The following VPS13C variants were observed in gnomAD, a reference collection of about 807,000 sequenced individuals.
VPS13C encodes the protein intermembrane lipid transfer protein VPS13C.
Under a neutral mutation model 456.8 loss-of-function variants are expected in VPS13C, and 358 were observed. The ratio of observed to expected loss-of-function variants is 0.78; its 90% confidence interval spans 0.72 to 0.86. The LOEUF (loss-of-function observed/expected upper bound fraction) is 0.86, where lower values mean the gene tolerates loss of function less well. VPS13C is among the 40% of genes least tolerant of loss of function. The pLI, the probability that VPS13C is intolerant of heterozygous loss-of-function variation, is 0.00. For missense variants in VPS13C, 4,818 were observed against 4,385.4 expected (o/e 1.10, Z -2.79); for synonymous variants, 1,578 against 1,486.7 (o/e 1.06, Z -1.41).
intron 45 of VPS13C, among the ~76,000 whole-genome samples, chr15:61,943,003 A>G (rs1339621617): frequency 2.0e-5 from 3 of 152,116 alleles, no homozygotes; most frequent in African/African-American, 7.2e-5. Flanking sequence ...AATGAAGAAC[A>G]CAATCCTGTT....
intron 66 of VPS13C, among the ~76,000 whole-genome samples, chr15:61,903,179 CAA>C (rs1450190843): frequency 6.6e-6 from 1 of 151,340 alleles, no homozygotes; most frequent in Non-Finnish European, 1.5e-5. Context: ...AAAACAAAAA[CAA>C]AAACAAAAAC....
chr15:61,997,870 A>C (rs2046443945), intron 16 of VPS13C, among the ~76,000 whole-genome samples: 2 of 152,150 alleles, frequency 1.3e-5, no homozygotes, highest in African/African-American at 4.8e-5. Flanking sequence ...TCTGCTTTCA[A>C]AGTAGCCAGG....
chr15:61,949,910 A>G (rs757509676), intron 41 of VPS13C, among the ~76,000 whole-genome samples: 6 of 152,188 alleles, frequency 3.9e-5, no homozygotes, highest in Non-Finnish European at 5.9e-5. Context: ...CAAGCTGATT[A>G]TGCATGTTCA....
At chr15:61,950,476 A>ATTTT in intron 40 of VPS13C, 59 bp from the exon 41 acceptor site, 1 of 1,257,516 alleles carries the variant, frequency 8.0e-7, no homozygotes, top group Non-Finnish European at 1.2e-6. Context: ...CATACACTGA[A>ATTTT]AATATACATA....
intron 68 of VPS13C, among the ~76,000 whole-genome samples, chr15:61,883,797 T>C (rs1896057547): frequency 6.6e-6 from 1 of 152,142 alleles, no homozygotes; most frequent in Admixed American, 6.6e-5. Flanking sequence ...AATGAGGCAT[T>C]CTTAACTTCT....
chr15:61,907,325 G>C lies in VPS13C; in HGVS notation c.9044C>G (p.Thr3015Ser). ...TGTCCATGTAAGTTTTCTGGTACCAGTAGGATCTGCCCAGGCAAAAAGTCG... is the reference window on the plus strand; with the variant it reads ...TGTCCATGTAAGTTTTCTGGTACCACTAGGATCTGCCCAGGCAAAAAGTCG... ...QARLFAWADP[T>S]GTRKLTWTYA... Residue 3015 changes from threonine (T) to serine (S), a missense_variant, in exon 66 of 85, where the codon ACT (threonine) becomes AGT (serine). By Grantham distance (58) the Thr-to-Ser change is moderately conservative. Coordinates refer to ENST00000644861, the MANE Select transcript of VPS13C (RefSeq NM_020821.3). 2 of 1,614,006 alleles carry C rather than the reference G, an allele frequency of 1.2e-6. No individual in the cohort carries two copies. Among genetic ancestry groups the C allele is most frequent in the Non-Finnish European group, 1.7e-6 (2 of 1,179,894 alleles).
intron 1 of VPS13C, among the ~76,000 whole-genome samples, chr15:62,045,718 A>T (rs549542558): frequency 6.6e-6 from 1 of 152,260 alleles, no homozygotes; most frequent in South Asian, 2.1e-4. Context: ...CAAACAATTT[A>T]GCTACAAGGA....
chr15:62,003,469 G>A (rs1271658432), intron 15 of VPS13C, among the ~76,000 whole-genome samples: 2 of 151,994 alleles, frequency 1.3e-5, no homozygotes, highest in East Asian at 3.9e-4. Flanking sequence ...CTGCAAACAG[G>A]GACAATTTGA....
chr15:61,989,880 T>C (rs2046170806), intron 18 of VPS13C, among the ~76,000 whole-genome samples: 1 of 152,182 alleles, frequency 6.6e-6, no homozygotes, highest in Non-Finnish European at 1.5e-5. Context: ...AATATGCTCA[T>C]ATCCTATGAC....
intron 66 of VPS13C, among the ~76,000 whole-genome samples, chr15:61,906,174 CCT>C (rs1395681045): frequency 1.3e-5 from 2 of 152,104 alleles, no homozygotes; most frequent in Non-Finnish European, 2.9e-5. Context: ...TTTGAACTCC[CCT>C]GTCATGTCCA....
At chr15:61,881,038 CCA>C (rs1895810810) in intron 71 of VPS13C, 84 bp from the exon 72 acceptor site, 1 of 1,115,102 alleles carries the variant, frequency 9.0e-7, no homozygotes, top group East Asian at 2.6e-5. Context: ...CAGTGAAAAG[CCA>C]CAGTTATATC....
rs2044638554 is a variant in VPS13C, at chr15:61,947,297, ATGT to A, written c.4769_4771del (p.Asn1590del). 6.2e-7 allele frequency: 1 copy of A among 1,606,912 alleles called. No homozygotes were observed. Among genetic ancestry groups the A allele is most frequent in the African/African-American group, 1.3e-5 (1 of 74,692 alleles). On this transcript the variant is annotated inframe_deletion, in exon 43 of 85. Coordinates refer to ENST00000644861, the MANE Select transcript of VPS13C (RefSeq NM_020821.3). ...TAAATCAAACACATCCTTTTGGGAA[ATGT>A]TGCTGGATACTAAAAAATAATAGAA...
At chr15:61,909,219 GT>G in intron 64 of VPS13C, 94 bp from the exon 65 acceptor site, 1 of 1,496,320 alleles carries the variant, frequency 6.7e-7, no homozygotes, top group Non-Finnish European at 9.0e-7. Flanking sequence ...AAAAGCTTTG[GT>G]TTTTTTCGAG....
chr15:61,926,710 A>AC lies in VPS13C; in HGVS notation c.6516+380dup, dbSNP rs148322729. Among the ~76,000 whole-genome samples, 1,141 of 152,320 alleles carry AC rather than the reference A, an allele frequency of 7.5e-3. 9 individuals are homozygous for AC. The highest frequency in any genetic ancestry group is 0.027 in the African/African-American group (1,103 of 41,580). Reference sequence around the variant, plus strand: ...TCACTTTTAATAACAGCAGAACACCACCGCTTTTGGCGAAGTGACTCCAAT... The same window carrying AC: ...TCACTTTTAATAACAGCAGAACACCACCCGCTTTTGGCGAAGTGACTCCAAT... On this transcript the variant is annotated intron_variant, in intron 52 of 84. Transcript: ENST00000644861.
intron 18 of VPS13C, among the ~76,000 whole-genome samples, chr15:61,986,671 A>T (rs1293226905): frequency 6.6e-6 from 1 of 152,204 alleles, no homozygotes; most frequent in Non-Finnish European, 1.5e-5. Flanking sequence ...ATGAATACAT[A>T]TCTAGTCACA....
chr15:61,970,987 C>A (rs868287582), intron 27 of VPS13C, among the ~76,000 whole-genome samples: 1 of 151,912 alleles, frequency 6.6e-6, no homozygotes, highest in African/African-American at 2.4e-5. Context: ...AAGCTCCATG[C>A]GGCAAGAACT....
At position 61,910,246 on chromosome 15, in the gene VPS13C, A is replaced by G; in HGVS notation, c.8775T>C (p.Cys2925=). The change falls in exon 64 of 85, where the codon TGT becomes TGC. Residue 2925 remains cysteine (C), a synonymous_variant. Coordinates refer to ENST00000644861, the MANE Select transcript of VPS13C (RefSeq NM_020821.3). ...SGKLCVRVVG[C]EGSSKPFFYN... ...AAAAGAATGGTTTGGAAGATCCTTCACAGCCCACCACTCTCACACAAAGTT... is the reference window on the plus strand; with the variant it reads ...AAAAGAATGGTTTGGAAGATCCTTCGCAGCCCACCACTCTCACACAAAGTT... The G allele has an allele frequency of 1.3e-6, 2 of 1,527,688 alleles. No individual in the cohort carries two copies. Among genetic ancestry groups the G allele is most frequent in the Non-Finnish European group, 1.8e-6 (2 of 1,131,648 alleles). 94.6% of individuals were successfully genotyped at this position (1,527,688 alleles called of 1,614,324 possible).
At chr15:61,933,029 AAAATC>A (rs2044113729) in intron 49 of VPS13C, among the ~76,000 whole-genome samples, 1 of 152,220 alleles carries the variant, frequency 6.6e-6, no homozygotes, top group South Asian at 2.1e-4. Context: ...TGAAAGGTAA[AAAATC>A]AAACAAGGAA....
At position 61,912,738 on chromosome 15, in the gene VPS13C, C is replaced by T. The variant is rs146030263; in HGVS notation, c.8550+573G>A. 1.5e-3 allele frequency among the ~76,000 whole-genome samples: 226 copies of T among 151,304 alleles called. 4 individuals are homozygous for T. The East Asian group carries it at 0.038, about 25-fold the overall frequency. On this transcript the variant is annotated intron_variant, in intron 62 of 84. Transcript: ENST00000644861. Reference sequence around the variant, plus strand: ...ACATGTACCATGCTGGTGTGCTGCACCCATTAACTGGTCACTTAGCATTAG... The same window carrying T: ...ACATGTACCATGCTGGTGTGCTGCATCCATTAACTGGTCACTTAGCATTAG...
Sources: gnomAD v4.1 joint callset for allele counts (sites outside exome capture counted in the v4.1 genomes callset) on GRCh38, gnomAD v4.1.1 for gene constraint, MANE v1.5 for transcripts, NCBI Gene and HGNC (gene_info 2026-07-23, HGNC 2026-07-21) for gene names.